PTPN4: variants seen among roughly 807,000 people sequenced by gnomAD.
PTPN4 encodes tyrosine-protein phosphatase non-receptor type 4.
In PTPN4, 49 loss-of-function variants were observed where a neutral mutation model predicts 135.5. The ratio of observed to expected loss-of-function variants is 0.36; its 90% confidence interval spans 0.29 to 0.46. The LOEUF is 0.46. Ranked by LOEUF, PTPN4 falls within the 20% of genes least tolerant of loss-of-function variation. The pLI is 1.00. For missense variants in PTPN4, 860 were observed against 1,101.0 expected (o/e 0.78, Z 3.10); for synonymous variants, 333 against 369.9 (o/e 0.90, Z 1.14).
chr2:119,976,081 C>T (rs938212634), intron 26 of PTPN4, among the ~76,000 whole-genome samples: 8 of 151,202 alleles, frequency 5.3e-5, no homozygotes, highest in South Asian at 2.1e-4. Flanking sequence ...CTGCAAGCTC[C>T]GCCTCCCAGG....
chr2:119,968,067 C>T, intron 26 of PTPN4, 95 bp downstream of exon 26: 2 of 1,065,480 alleles, frequency 1.9e-6, no homozygotes, highest in Non-Finnish European at 2.6e-6. Context: ...CCTTTTTTAT[C>T]TTTTCAATTC....
At chr2:119,824,844 C>T (rs368506735) in intron 2 of PTPN4, among the ~76,000 whole-genome samples, 3 of 152,024 alleles carry the variant, frequency 2.0e-5, no homozygotes, top group Non-Finnish European at 2.9e-5. Flanking sequence ...CGTGCCACCA[C>T]GCCCAGCTAA....
intron 1 of PTPN4, among the ~76,000 whole-genome samples, chr2:119,786,284 T>C (rs1574333191): frequency 1.3e-5 from 2 of 152,358 alleles, no homozygotes; most frequent in East Asian, 3.8e-4. Flanking sequence ...TAAAAAATTT[T>C]ATTTTCTAGT....
At chr2:119,945,379 A>C in intron 16 of PTPN4, 139 bp downstream of exon 16, 1 of 737,602 alleles carries the variant, frequency 1.4e-6, no homozygotes. Flanking sequence ...TTTGGTCCTG[A>C]ATTGTGCCAT....
intron 22 of PTPN4, among the ~76,000 whole-genome samples, chr2:119,958,975 A>G (rs1249984757): frequency 6.6e-6 from 1 of 152,192 alleles, no homozygotes; most frequent in Admixed American, 6.5e-5. Flanking sequence ...GGTAAAAAGT[A>G]AGGCACTACA....
intron 26 of PTPN4, among the ~76,000 whole-genome samples, chr2:119,974,242 G>A (rs554918168): frequency 1.1e-4 from 17 of 152,018 alleles, no homozygotes; most frequent in African/African-American, 3.9e-4. Flanking sequence ...ATGGAGTTTC[G>A]CTCTTGTTGC....
chr2:119,930,761 ATGTT>A (rs1483133133), intron 13 of PTPN4, among the ~76,000 whole-genome samples: 2 of 152,026 alleles, frequency 1.3e-5, no homozygotes, highest in Non-Finnish European at 2.9e-5. Context: ...CAGAATTCTA[ATGTT>A]ATTAAGTTTT....
At position 119,978,563 on chromosome 2, in the gene PTPN4, AT is replaced by A. The variant is rs1431889019; in HGVS notation, c.*1497del. 1 of 152,062 alleles carries A rather than the reference AT, an allele frequency of 6.6e-6. No individual in the cohort carries two copies. Among genetic ancestry groups the A allele is most frequent in the East Asian group, 1.9e-4 (1 of 5,198 alleles). The allele number at this position is 152,062 out of a possible 1,614,324, so 9.4% of individuals were successfully genotyped here. A position where few individuals can be genotyped will look rare whatever the true frequency, so the allele number is the denominator to read the frequency against. On this transcript the variant is annotated 3_prime_UTR_variant, in exon 27 of 27. Coordinates refer to ENST00000263708, the MANE Select transcript of PTPN4 (RefSeq NM_002830.4). ...CCATTAAGGATGTGGGAATTCCCGT[AT>A]TTTCCTCTTCAGGTTTTTTTGTTTT...
At chr2:119,950,214 A>G (rs1350669020) in intron 18 of PTPN4, among the ~76,000 whole-genome samples, 1 of 152,162 alleles carries the variant, frequency 6.6e-6, no homozygotes, top group Non-Finnish European at 1.5e-5. Context: ...TTGGCTCCCA[A>G]TTCACTATAC....
intron 3 of PTPN4, among the ~76,000 whole-genome samples, chr2:119,873,757 A>G (rs977903125): frequency 6.6e-6 from 1 of 152,210 alleles, no homozygotes; most frequent in African/African-American, 2.4e-5. Context: ...TGTATTGCAG[A>G]CAGTTCAGCT....
At chr2:119,832,928 G>A (rs1452186432) in intron 2 of PTPN4, among the ~76,000 whole-genome samples, 1 of 152,142 alleles carries the variant, frequency 6.6e-6, no homozygotes, top group Non-Finnish European at 1.5e-5. Context: ...AAGTAAACTG[G>A]AGATTATTTG....
At chr2:119,786,732 A>G (rs1691054745) in intron 1 of PTPN4, among the ~76,000 whole-genome samples, 1 of 152,162 alleles carries the variant, frequency 6.6e-6, no homozygotes, top group Non-Finnish European at 1.5e-5. Context: ...GGCAGCTACT[A>G]AGGTCTACCC....
At chr2:119,837,685 C>T (rs114182129) in intron 2 of PTPN4, among the ~76,000 whole-genome samples, 4,479 of 152,284 alleles carry the variant, frequency 0.029, 217 homozygotes, top group African/African-American at 0.1. Context: ...GGAACCCATA[C>T]CTAGGGTACC....
intron 12 of PTPN4, among the ~76,000 whole-genome samples, chr2:119,923,062 T>C (rs1237483533): frequency 6.6e-6 from 1 of 152,190 alleles, no homozygotes; most frequent in East Asian, 1.9e-4. Context: ...CTGCTAGTGG[T>C]TTATCAGTTT....
At chr2:119,973,628 A>G in intron 26 of PTPN4, among the ~76,000 whole-genome samples, 1 of 118,916 alleles carries the variant, frequency 8.4e-6, no homozygotes, top group African/African-American at 3.3e-5. Context: ...AATCTCTTTT[A>G]ATTGAAAGCT....
Position 119,779,262 on chromosome 2 carries a change from A to T in PTPN4, c.-18+18878A>T, listed in dbSNP as rs1264667209. Among the ~76,000 whole-genome samples, 42 of 152,256 alleles carry T rather than the reference A, an allele frequency of 2.8e-4. 1 individual carries two copies. Among genetic ancestry groups the T allele is most frequent in the Admixed American group, 2.7e-3 (42 of 15,290 alleles). ...TATAATTACATACAAAACATTGTGT[A>T]ATAAACTAAGTTGGTAGCAAAGCAG... On this transcript the variant is annotated intron_variant, in intron 1 of 26. Transcript: ENST00000263708.
intron 16 of PTPN4, 148 bp downstream of exon 16, chr2:119,945,388 A>G (rs976095308): frequency 4.5e-6 from 3 of 672,220 alleles, no homozygotes; most frequent in South Asian, 2.5e-5. Context: ...GAATTGTGCC[A>G]TGATGTATCT....
intron 1 of PTPN4, among the ~76,000 whole-genome samples, chr2:119,771,818 T>C (rs1690740455): frequency 2.6e-5 from 4 of 152,238 alleles, no homozygotes; most frequent in Admixed American, 2.6e-4. Flanking sequence ...TGTTAGTTGT[T>C]ATAAGTCCAT....
At chr2:119,769,374 G>A (rs1453233329) in intron 1 of PTPN4, among the ~76,000 whole-genome samples, 1 of 152,172 alleles carries the variant, frequency 6.6e-6, no homozygotes, top group Non-Finnish European at 1.5e-5. Flanking sequence ...CAGAATTATG[G>A]AGATACTAAT....
Sources: gnomAD v4.1 joint callset for allele counts (sites outside exome capture counted in the v4.1 genomes callset) on GRCh38, gnomAD v4.1.1 for gene constraint, MANE v1.5 for transcripts, NCBI Gene and HGNC (gene_info 2026-07-23, HGNC 2026-07-21) for gene names.